LINGO1: variants seen among roughly 807,000 people sequenced by gnomAD.
LINGO1 encodes leucine-rich repeat and immunoglobulin-like domain-containing nogo receptor-interacting protein 1.
In LINGO1, 11 loss-of-function variants were observed where a neutral mutation model predicts 37.3. The observed-to-expected ratio is 0.29, with a 90% confidence interval of 0.19 to 0.49. The LOEUF (loss-of-function observed/expected upper bound fraction) is 0.49, where lower values mean the gene tolerates loss of function less well. LINGO1 is among the 20% of genes least tolerant of loss of function. LINGO1 has a pLI of 0.99. For synonymous variants in LINGO1, 387 were observed against 403.0 expected (o/e 0.96, Z 0.48); for missense variants, 585 against 878.2 (o/e 0.67, Z 4.22).
At chr15:77,707,948 G>T (rs1353859161) in intron 2 of LINGO1, among the ~76,000 whole-genome samples, 1 of 152,144 alleles carries the variant, frequency 6.6e-6, no homozygotes, top group East Asian at 1.9e-4. Context: ...ATGAGAGAAA[G>T]AAAGAGCTCT....
At position 77,615,754 on chromosome 15, in the gene LINGO1, C is replaced by T. The variant is rs1350279977; in HGVS notation, c.153G>A (p.Gln51=). ...TGCGGTGGCACAGCACAGCGCGGTC[C>T]TGGGCGGAGCACTCGCAGCGGGGCG... The part of the protein sequence containing the change: ...GCPPRCECSA[Q]DRAVLCHRKR... Residue 51 remains glutamine (Q), a synonymous_variant, in exon 2 of 2, where the codon CAG becomes CAA. Coordinates refer to ENST00000355300, the MANE Select transcript of LINGO1 (RefSeq NM_032808.7). The T allele has an allele frequency of 1.0e-5, 16 of 1,585,076 alleles. No individual in the cohort carries two copies. The highest frequency in any genetic ancestry group is 1.4e-5 in the Non-Finnish European group (16 of 1,169,868).
At chr15:77,748,741 G>C (rs1421157517) in intron 1 of LINGO1, among the ~76,000 whole-genome samples, 1 of 151,626 alleles carries the variant, frequency 6.6e-6, no homozygotes, top group Non-Finnish European at 1.5e-5. Context: ...GAGAGACAGA[G>C]GTTTGCTTTG....
At chr15:77,668,530 A>T (rs2075182308) in intron 3 of LINGO1, among the ~76,000 whole-genome samples, 1 of 152,184 alleles carries the variant, frequency 6.6e-6, no homozygotes. Context: ...CTATTCAGAG[A>T]AACAGGGGCC....
At chr15:77,794,755 T>C (rs2076859314) in intron 2 of LINGO1, among the ~76,000 whole-genome samples, 2 of 151,538 alleles carry the variant, frequency 1.3e-5, no homozygotes, top group Non-Finnish European at 2.9e-5. Context: ...GCCCTGCTAA[T>C]TTTTTGTATT....
At chr15:77,760,730 A>G (rs1467384881) in intron 1 of LINGO1, among the ~76,000 whole-genome samples, 4 of 152,096 alleles carry the variant, frequency 2.6e-5, no homozygotes, top group South Asian at 2.1e-4. Flanking sequence ...ATCTCCCCCT[A>G]TGTCCTGCCT....
intron 1 of LINGO1, among the ~76,000 whole-genome samples, chr15:77,770,587 CAAAAAA>C (rs71145861): frequency 1.3e-5 from 1 of 79,324 alleles, no homozygotes; most frequent in Non-Finnish European, 2.3e-5. Context: ...GACTCTGTCT[CAAAAAA>C]AAAAAAAAAA....
At chr15:77,756,037 G>A (rs1313509546) in intron 1 of LINGO1, among the ~76,000 whole-genome samples, 3 of 151,582 alleles carry the variant, frequency 2.0e-5, no homozygotes, top group African/African-American at 7.3e-5. Context: ...CTGGTGGGAA[G>A]TAGGGGGGTG....
At chr15:77,786,318 G>A (rs1316857659) in intron 1 of LINGO1, among the ~76,000 whole-genome samples, 3 of 152,188 alleles carry the variant, frequency 2.0e-5, no homozygotes, top group African/African-American at 7.2e-5. Context: ...TAAGTGGCAG[G>A]GCTGGGACTT....
rs186470244 is a variant in LINGO1, at chr15:77,650,928, A to G, written c.-13+26161T>C. On this transcript the variant is annotated intron_variant, in intron 3 of 3. Coordinates refer to the LINGO1 transcript ENST00000559893. ...TGGGTTTGGTGGCTCTCCCAAGCCCATCCCTGAGCCTTTGCTACTGCAGGG... is the reference window on the plus strand; with the variant it reads ...TGGGTTTGGTGGCTCTCCCAAGCCCGTCCCTGAGCCTTTGCTACTGCAGGG... Among the ~76,000 whole-genome samples, 161 of 152,240 alleles carry G rather than the reference A, an allele frequency of 1.1e-3. 1 individual carries two copies. Among genetic ancestry groups the G allele is most frequent in the Middle Eastern group, 3.4e-3 (1 of 294 alleles).
At chr15:77,726,820 G>A in intron 2 of LINGO1, among the ~76,000 whole-genome samples, 1 of 152,208 alleles carries the variant, frequency 6.6e-6, no homozygotes, top group Non-Finnish European at 1.5e-5. Context: ...CCTACAGAAT[G>A]GGAGGAAATG....
rs546741739 is a variant in LINGO1 at position 77,734,825 on chromosome 15, G to A, written c.-195+167C>T. Among the ~76,000 whole-genome samples, 8 of 151,994 alleles carry A rather than the reference G, an allele frequency of 5.3e-5. No homozygotes were observed. The East Asian group carries it at 1.4e-3, about 26-fold the overall frequency. ...CCCAAACCTTCCCACCCCCTACCTC[G>A]CCCAGTGACTCAAAAGCGCCCCTCC... On this transcript the variant is annotated intron_variant, in intron 2 of 3. Coordinates refer to the LINGO1 transcript ENST00000561686.
At chr15:77,741,029 C>T (rs1330522903) in intron 1 of LINGO1, among the ~76,000 whole-genome samples, 1 of 152,202 alleles carries the variant, frequency 6.6e-6, no homozygotes, top group Non-Finnish European at 1.5e-5. Context: ...AAAGAGCTCA[C>T]ACACCAGGAG....
Position 77,801,888 on chromosome 15 carries a change from G to A in LINGO1, c.-457-5835C>T, listed in dbSNP as rs73455793. On this transcript the variant is annotated intron_variant, in intron 1 of 5. Coordinates refer to the LINGO1 transcript ENST00000562933. ...GCCTGTGACTCCTCAGCACGTCTCC[G>A]GGCCTCCCAGGCGAGGGTCAGGGGT... 7.0e-3 allele frequency among the ~76,000 whole-genome samples: 1,065 copies of A among 152,262 alleles called. 11 individuals are homozygous for A. Among genetic ancestry groups the A allele is most frequent in the African/African-American group, 0.024 (998 of 41,548 alleles).
At position 77,659,838 on chromosome 15, in the gene LINGO1, G is replaced by A. The variant is rs61529514; in HGVS notation, c.-13+17251C>T. On this transcript the variant is annotated intron_variant, in intron 3 of 3. Transcript: ENST00000559893. ...GCCTGACCTTGAAAGCTGGTGGGGC[G>A]GGAGAGGCTGGGGTGGGGTGGGGTG... Among the ~76,000 whole-genome samples the A allele has an allele frequency of 5.0e-3, 760 of 151,012 alleles. 6 individuals carry two copies. The highest frequency in any genetic ancestry group is 0.016 in the African/African-American group (661 of 40,612).
At chr15:77,628,354 C>T (rs759497934) in intron 1 of LINGO1, among the ~76,000 whole-genome samples, 3 of 152,130 alleles carry the variant, frequency 2.0e-5, no homozygotes, top group Non-Finnish European at 2.9e-5. Flanking sequence ...GATCACATGA[C>T]AGAACATTAT....
intron 1 of LINGO1, among the ~76,000 whole-genome samples, chr15:77,760,615 C>G (rs1422374601): frequency 2.0e-5 from 3 of 152,218 alleles, no homozygotes; most frequent in Non-Finnish European, 4.4e-5. Context: ...CTGCTTTGCT[C>G]ATTTCCAGCC....
chr15:77,681,029 TC>T (rs951076655), intron 2 of LINGO1, among the ~76,000 whole-genome samples: 3 of 152,032 alleles, frequency 2.0e-5, no homozygotes, highest in African/African-American at 7.2e-5. Flanking sequence ...CTTCTCACTT[TC>T]CCCAATAAGT....
chr15:77,779,665 G>A (rs1327830496), intron 1 of LINGO1, among the ~76,000 whole-genome samples: 1 of 152,158 alleles, frequency 6.6e-6, no homozygotes, highest in Non-Finnish European at 1.5e-5. Context: ...AGGCTGTAAT[G>A]CAAGCTATGG....
At chr15:77,776,504 G>GCAGGAAGGCAGGAAA (rs2076648595) in intron 1 of LINGO1, among the ~76,000 whole-genome samples, 1 of 73,450 alleles carries the variant, frequency 1.4e-5, no homozygotes, top group African/African-American at 5.4e-5. Flanking sequence ...AAGGCAGGAA[G>GCAGGAAGGCAGGAAA]GCAGGAAGGC....
Sources: gnomAD v4.1 joint callset for allele counts (sites outside exome capture counted in the v4.1 genomes callset) on GRCh38, gnomAD v4.1.1 for gene constraint, MANE v1.5 for transcripts, NCBI Gene and HGNC (gene_info 2026-07-23, HGNC 2026-07-21) for gene names.